ADAMTSL3: variants seen among roughly 807,000 people sequenced by gnomAD.
ADAMTSL3 encodes the protein ADAMTS like 3, also known as ADAMTS-like protein 3.
ADAMTSL3 carries 128 observed loss-of-function variants against 201.7 expected under a neutral mutation model. The ratio of observed to expected loss-of-function variants is 0.63; its 90% CI spans 0.55 to 0.73. The LOEUF is 0.73. Ranked by LOEUF, ADAMTSL3 falls within the 30% of genes least tolerant of loss-of-function variation. The pLI, the probability that ADAMTSL3 is intolerant of heterozygous loss-of-function variation, is 0.00. For synonymous variants in ADAMTSL3, 738 were observed against 748.4 expected (o/e 0.99, Z 0.23); for missense variants, 1,990 against 2,119.6 (o/e 0.94, Z 1.20).
chr15:83,744,172 A>C (rs1454467421), intron 3 of ADAMTSL3, among the ~76,000 whole-genome samples: 1 of 152,234 alleles, frequency 6.6e-6, no homozygotes, highest in Non-Finnish European at 1.5e-5. Context: ...TTTTAAAAAA[A>C]GGCAAATTTT....
chr15:83,704,155 G>C (rs1386586694), intron 2 of ADAMTSL3, among the ~76,000 whole-genome samples: 1 of 152,198 alleles, frequency 6.6e-6, no homozygotes, highest in African/African-American at 2.4e-5. Flanking sequence ...AGGTGTCAGA[G>C]AATAAATGCC....
At chr15:83,831,829 G>A (rs1773641891) in intron 6 of ADAMTSL3, among the ~76,000 whole-genome samples, 1 of 152,192 alleles carries the variant, frequency 6.6e-6, no homozygotes, top group Admixed American at 6.5e-5. Context: ...AAGACAGAGG[G>A]AAAAGGAGAG....
At chr15:84,032,457 T>C (rs1241650239) in intron 28 of ADAMTSL3, among the ~76,000 whole-genome samples, 1 of 152,228 alleles carries the variant, frequency 6.6e-6, no homozygotes, top group Non-Finnish European at 1.5e-5. Flanking sequence ...GCTGCTCTCA[T>C]TCTCAACAGA....
intron 23 of ADAMTSL3, among the ~76,000 whole-genome samples, chr15:84,000,481 T>G (rs1156295660): frequency 6.6e-6 from 1 of 152,198 alleles, no homozygotes; most frequent in African/African-American, 2.4e-5. Flanking sequence ...ATTCCATCCA[T>G]CTTTTCTTCC....
intron 4 of ADAMTSL3, among the ~76,000 whole-genome samples, chr15:83,795,653 G>C (rs558455484): frequency 6.6e-6 from 1 of 152,182 alleles, no homozygotes; most frequent in East Asian, 1.9e-4. Flanking sequence ...TGGAACAGTG[G>C]ACCTGTTCTC....
chr15:84,033,846 C>T (rs1036239896), intron 28 of ADAMTSL3, among the ~76,000 whole-genome samples: 5 of 151,854 alleles, frequency 3.3e-5, no homozygotes, highest in Non-Finnish European at 5.9e-5. Flanking sequence ...AAATGTAATA[C>T]GGAAGATAAA....
At chr15:83,807,904 A>G (rs1246866826) in intron 5 of ADAMTSL3, among the ~76,000 whole-genome samples, 3 of 152,244 alleles carry the variant, frequency 2.0e-5, no homozygotes, top group Non-Finnish European at 2.9e-5. Context: ...AGTGTCTTCA[A>G]TAAACTGTGC....
chr15:83,919,422 C>T (rs555508565), intron 16 of ADAMTSL3, among the ~76,000 whole-genome samples: 2 of 152,136 alleles, frequency 1.3e-5, no homozygotes, highest in African/African-American at 4.8e-5. Flanking sequence ...GTGTTGCTTG[C>T]CATGCAGAGG....
intron 3 of ADAMTSL3, among the ~76,000 whole-genome samples, chr15:83,768,741 C>T (rs188875454): frequency 3.3e-5 from 5 of 152,268 alleles, no homozygotes; most frequent in East Asian, 1.9e-4. Context: ...GCCCAAGTGG[C>T]GCTTCATTCT....
chr15:83,875,396 G>T (rs1480280438), intron 9 of ADAMTSL3, among the ~76,000 whole-genome samples: 1 of 152,174 alleles, frequency 6.6e-6, no homozygotes, highest in Non-Finnish European at 1.5e-5. Context: ...CCCAGAACTG[G>T]GGCTGTTGGC....
At chr15:83,689,279 G>A (rs1201984090) in intron 2 of ADAMTSL3, among the ~76,000 whole-genome samples, 2 of 152,312 alleles carry the variant, frequency 1.3e-5, no homozygotes, top group African/African-American at 2.4e-5. Context: ...GGTACCTACC[G>A]TGGAGCTTAG....
intron 25 of ADAMTSL3, among the ~76,000 whole-genome samples, chr15:84,020,996 T>C (rs2068195303): frequency 6.6e-6 from 1 of 152,250 alleles, no homozygotes; most frequent in Non-Finnish European, 1.5e-5. Context: ...TCATCTTTCA[T>C]TTCTCTGCCT....
At chr15:83,849,293 A>C (rs751800279) in intron 7 of ADAMTSL3, among the ~76,000 whole-genome samples, 1 of 152,048 alleles carries the variant, frequency 6.6e-6, no homozygotes, top group African/African-American at 2.4e-5. Flanking sequence ...CACCTGGCTA[A>C]TTTTTAAATT....
intron 28 of ADAMTSL3, among the ~76,000 whole-genome samples, chr15:84,036,317 G>C (rs2068504534): frequency 6.6e-6 from 1 of 152,166 alleles, no homozygotes; most frequent in East Asian, 1.9e-4. Context: ...TCTTTTAGCA[G>C]ACAAGGTTGC....
chr15:83,931,823 A>C (rs943972500), intron 17 of ADAMTSL3, among the ~76,000 whole-genome samples: 1 of 152,236 alleles, frequency 6.6e-6, no homozygotes, highest in Non-Finnish European at 1.5e-5. Flanking sequence ...AGCAAATGAC[A>C]GTTCAGTTTC....
At chr15:83,777,612 T>C (rs1252708780) in intron 4 of ADAMTSL3, among the ~76,000 whole-genome samples, 1 of 151,738 alleles carries the variant, frequency 6.6e-6, no homozygotes, top group Non-Finnish European at 1.5e-5. Context: ...AGAAACAAAA[T>C]TATGCAAAAA....
chr15:83,657,816 C>T (rs985815679), intron 2 of ADAMTSL3, among the ~76,000 whole-genome samples: 1 of 152,170 alleles, frequency 6.6e-6, no homozygotes, highest in African/African-American at 2.4e-5. Context: ...TCTGTCTCAC[C>T]AGAGGCCCTG....
At chr15:83,948,003 C>T (rs1406815368) in intron 19 of ADAMTSL3, among the ~76,000 whole-genome samples, 1 of 152,100 alleles carries the variant, frequency 6.6e-6, no homozygotes, top group Non-Finnish European at 1.5e-5. Flanking sequence ...AGTTCTTCAC[C>T]TCCTATATTG....
chr15:83,781,945 A>G (rs1442002966), intron 4 of ADAMTSL3, among the ~76,000 whole-genome samples: 1 of 152,230 alleles, frequency 6.6e-6, no homozygotes, highest in Non-Finnish European at 1.5e-5. Flanking sequence ...TTGTGGAGAA[A>G]AGGGAACATT....
Sources: allele counts gnomAD v4.1 joint callset (sites outside exome capture counted in the v4.1 genomes callset), GRCh38; gene constraint gnomAD v4.1.1; transcripts MANE v1.5; gene names NCBI Gene and HGNC (gene_info 2026-07-23, HGNC 2026-07-21).